MDGA2: variants seen among roughly 807,000 people sequenced by gnomAD.
MDGA2 encodes the protein MAM domain containing glycosylphosphatidylinositol anchor 2.
MDGA2 carries 40 observed loss-of-function variants against 117.8 expected under a neutral mutation model. That is an observed-to-expected ratio of 0.34 (90% CI 0.26 to 0.44). The LOEUF is 0.44. MDGA2 is among the 20% of genes least tolerant of loss of function. The pLI is 1.00. For missense variants in MDGA2, 1,123 were observed against 1,250.6 expected (o/e 0.90, Z 1.54); for synonymous variants, 452 against 439.0 (o/e 1.03, Z -0.37).
chr14:47,218,346 C>T (rs113304767), intron 2 of MDGA2, among the ~76,000 whole-genome samples, 151 bp from the exon 3 acceptor site: 11,383 of 152,036 alleles, frequency 0.075, 446 homozygotes, highest in African/African-American at 0.12. Flanking sequence ...TTTACAGACA[C>T]GATTGAATTA....
At chr14:47,182,600 A>T (rs1884751776) in intron 3 of MDGA2, among the ~76,000 whole-genome samples, 1 of 152,198 alleles carries the variant, frequency 6.6e-6, no homozygotes, top group Admixed American at 6.5e-5. Context: ...TAGAACTGGG[A>T]GATGACACAT....
intron 8 of MDGA2, among the ~76,000 whole-genome samples, chr14:46,982,023 A>G (rs1159108776): frequency 1.3e-5 from 2 of 152,214 alleles, no homozygotes; most frequent in Non-Finnish European, 2.9e-5. Flanking sequence ...ATATAATCGG[A>G]TTTATGAGTC....
At chr14:47,052,863 A>G (rs1414112131) in intron 7 of MDGA2, among the ~76,000 whole-genome samples, 1 of 151,606 alleles carries the variant, frequency 6.6e-6, no homozygotes, top group African/African-American at 2.4e-5. Context: ...TCTTATCTTG[A>G]CCTTCCCATT....
Position 46,909,043 on chromosome 14 carries a change from T to C in MDGA2, c.2238+10969A>G, listed in dbSNP as rs1205942866. Among the ~76,000 whole-genome samples, 11 of 152,312 alleles carry C rather than the reference T, an allele frequency of 7.2e-5. No homozygotes were observed. In the South Asian group the frequency reaches 2.3e-3, roughly 32 times the overall value. ...GTTTTATTTGTTGCATAGCATTAATTGCTTTCTAACCGTTAATTTTTTGTC... is the reference window on the plus strand; with the variant it reads ...GTTTTATTTGTTGCATAGCATTAATCGCTTTCTAACCGTTAATTTTTTGTC... On this transcript the variant is annotated intron_variant, in intron 10 of 16. Coordinates refer to ENST00000399232, the MANE Select transcript of MDGA2 (RefSeq NM_001113498.3).
In MDGA2 at chr14:47,674,708, G is replaced by T. The variant is rs1418331437; in HGVS notation, c.89C>A (p.Ala30Glu). Residue 30 changes from alanine to glutamate, a missense_variant, in exon 1 of 17, where the codon GCG becomes GAG. Transcript: ENST00000399232. ...TDGRRFLLRR[A>E]VPGHLGLARA... The stretch of plus-strand genomic sequence containing the variant: ...GGCCAAGCCGAGGTGCCCGGGAACC[G>T]CTCGCCGAAGGAGGAAGCGCCGTCC... 3.1e-6 allele frequency: 3 copies of T among 954,108 alleles called. No individual in the cohort carries two copies. In the Admixed American group the frequency reaches 6.0e-5, roughly 19 times the overall value. 59.1% of individuals were successfully genotyped at this position (954,108 alleles called of 1,614,324 possible).
chr14:47,349,738 G>A (rs992463453), intron 1 of MDGA2, among the ~76,000 whole-genome samples: 1 of 152,152 alleles, frequency 6.6e-6, no homozygotes, highest in Non-Finnish European at 1.5e-5. Context: ...AAAGGCAATC[G>A]ATACTAGAGT....
At chr14:47,628,590 C>T (rs185291641) in intron 1 of MDGA2, among the ~76,000 whole-genome samples, 3 of 152,308 alleles carry the variant, frequency 2.0e-5, no homozygotes, top group Non-Finnish European at 4.4e-5. Flanking sequence ...GGGCAATTTT[C>T]AAAGACCAAC....
At chr14:47,522,636 A>C (rs1457878995) in intron 1 of MDGA2, among the ~76,000 whole-genome samples, 2 of 152,214 alleles carry the variant, frequency 1.3e-5, no homozygotes, top group South Asian at 4.1e-4. Context: ...AATCAGCAAT[A>C]ATAGCAGAGG....
At chr14:47,446,936 A>G (rs1173074605) in intron 1 of MDGA2, among the ~76,000 whole-genome samples, 1 of 152,176 alleles carries the variant, frequency 6.6e-6, no homozygotes, top group African/African-American at 2.4e-5. Flanking sequence ...CATACTATGA[A>G]TGAATCTCAT....
At chr14:47,374,680 A>C (rs958126071) in intron 1 of MDGA2, among the ~76,000 whole-genome samples, 38 of 152,082 alleles carry the variant, frequency 2.5e-4, no homozygotes, top group Non-Finnish European at 5.4e-4. Flanking sequence ...ATACAAGAGC[A>C]AGAAAAACAC....
At chr14:47,025,759 T>A (rs1289611371) in intron 8 of MDGA2, among the ~76,000 whole-genome samples, 1 of 152,026 alleles carries the variant, frequency 6.6e-6, no homozygotes, top group African/African-American at 2.4e-5. Flanking sequence ...GTTGGAAGAC[T>A]GCCATATGTG....
intron 1 of MDGA2, among the ~76,000 whole-genome samples, chr14:47,565,559 G>A (rs558966110): frequency 1.3e-5 from 2 of 152,330 alleles, no homozygotes; most frequent in African/African-American, 4.8e-5. Flanking sequence ...ATTCTCTGAG[G>A]GTGGTGCCAG....
At chr14:46,844,862 C>A (rs1281986449) in intron 16 of MDGA2, among the ~76,000 whole-genome samples, 1 of 151,202 alleles carries the variant, frequency 6.6e-6, no homozygotes, top group African/African-American at 2.5e-5. Context: ...TTCACTAGAT[C>A]TGATGATTTT....
intron 1 of MDGA2, among the ~76,000 whole-genome samples, chr14:47,421,558 A>G (rs902421776): frequency 5.3e-5 from 8 of 152,190 alleles, no homozygotes; most frequent in Non-Finnish European, 1.2e-4. Context: ...TTAAGGACAA[A>G]AAAGTACAAC....
At chr14:46,866,546 C>G (rs1222131530) in intron 14 of MDGA2, among the ~76,000 whole-genome samples, 1 of 152,060 alleles carries the variant, frequency 6.6e-6, no homozygotes, top group Non-Finnish European at 1.5e-5. Flanking sequence ...CAAATGGGAT[C>G]TAATTAAACT....
intron 1 of MDGA2, among the ~76,000 whole-genome samples, chr14:47,508,996 C>T (rs190496481): frequency 3.6e-4 from 55 of 152,212 alleles, no homozygotes; most frequent in African/African-American, 1.3e-3. Flanking sequence ...GGCCAAGGAA[C>T]ACACCTTCTT....
chr14:47,529,600 AT>A (rs897133285), intron 1 of MDGA2, among the ~76,000 whole-genome samples: 2 of 152,130 alleles, frequency 1.3e-5, no homozygotes, highest in African/African-American at 2.4e-5. Flanking sequence ...TCTCTTTCTA[AT>A]TTTTTTTAAA....
At chr14:47,017,476 A>T (rs927103884) in intron 8 of MDGA2, among the ~76,000 whole-genome samples, 4 of 152,102 alleles carry the variant, frequency 2.6e-5, no homozygotes, top group Non-Finnish European at 5.9e-5. Context: ...ATAGAGCCAT[A>T]AAAAGGGAAA....
chr14:47,223,671 C>T (rs966973290), intron 2 of MDGA2, among the ~76,000 whole-genome samples: 4 of 152,182 alleles, frequency 2.6e-5, no homozygotes, highest in African/African-American at 9.7e-5. Flanking sequence ...TTTCGGACAA[C>T]CCCTGGTTTC....
Sources: allele counts gnomAD v4.1 joint callset (sites outside exome capture counted in the v4.1 genomes callset), GRCh38; gene constraint gnomAD v4.1.1; transcripts MANE v1.5; gene names NCBI Gene and HGNC (gene_info 2026-07-23, HGNC 2026-07-21).